UBXN7: variants seen among roughly 807,000 people sequenced by gnomAD.
UBXN7 encodes the protein UBX domain-containing protein 7.
A neutral mutation model predicts 58.0 loss-of-function variants in UBXN7; 9 were observed. That is an observed-to-expected ratio of 0.16 (90% CI 0.09 to 0.27). The LOEUF is 0.27. Ranked by LOEUF, UBXN7 falls within the 10% of genes least tolerant of loss-of-function variation. The pLI is 1.00. For synonymous variants in UBXN7, 208 were observed against 205.0 expected, an observed-to-expected ratio of 1.01 and a Z score of -0.12; for missense variants, 328 against 599.6, an observed-to-expected ratio of 0.55 and a Z score of 4.73.
In UBXN7 at chr3:196,354,232, G is replaced by C. The variant is rs919391539; in HGVS notation, c.*2453C>G. ...TTAAGCTGAGTGAAAGTACCATGCT[G>C]TCTTTTAAATCACTTTATATCTACT... On this transcript the variant is annotated 3_prime_UTR_variant, in exon 11 of 11. Coordinates refer to ENST00000296328, the MANE Select transcript of UBXN7 (RefSeq NM_015562.2). The C allele has an allele frequency of 3.9e-4, 60 of 152,178 alleles. No homozygotes were observed. Among genetic ancestry groups the C allele is most frequent in the African/African-American group, 1.2e-3 (50 of 41,446 alleles). 9.4% of individuals were successfully genotyped at this position (152,178 alleles called of 1,614,324 possible).
intron 8 of UBXN7, among the ~76,000 whole-genome samples, chr3:196,367,355 T>C (rs192659439): frequency 6.6e-6 from 1 of 152,336 alleles, no homozygotes; most frequent in East Asian, 1.9e-4. Context: ...AGTAATAGTA[T>C]ATTCTAGAAA....
chr3:196,370,099 C>T (rs1202628024), intron 6 of UBXN7, among the ~76,000 whole-genome samples: 4 of 147,348 alleles, frequency 2.7e-5, no homozygotes, highest in Non-Finnish European at 5.9e-5. Context: ...CACTGCACTC[C>T]TGCCCAGCGA....
chr3:196,405,326 C>T (rs1372936117), intron 2 of UBXN7, among the ~76,000 whole-genome samples: 1 of 151,326 alleles, frequency 6.6e-6, no homozygotes, highest in African/African-American at 2.4e-5. Context: ...GAAAATTAGC[C>T]GGGCGTGGTG....
intron 8 of UBXN7, among the ~76,000 whole-genome samples, chr3:196,365,148 T>C (rs534839365): frequency 2.7e-5 from 4 of 150,732 alleles, no homozygotes; most frequent in African/African-American, 9.7e-5. Flanking sequence ...AGCTAGAAAA[T>C]AGTATTGAGC....
At position 196,374,754 on chromosome 3, in the gene UBXN7, C is replaced by CCTA. The variant is rs539257627; in HGVS notation, c.469-2713_469-2712insTAG. On this transcript the variant is annotated intron_variant, in intron 5 of 10. Coordinates refer to ENST00000296328, the MANE Select transcript of UBXN7 (RefSeq NM_015562.2). Reference sequence around the variant, plus strand: ...AATTAGCCAGGCATGGTGGTGGGCACCTGTAATCCCAGCTACTCAGGAGAC... The same window carrying CCTA: ...AATTAGCCAGGCATGGTGGTGGGCACCTACTGTAATCCCAGCTACTCAGGAGAC... Among the ~76,000 whole-genome samples, 586 of 148,188 alleles carry CCTA rather than the reference C, an allele frequency of 4.0e-3. 6 individuals carry two copies. Among genetic ancestry groups the CCTA allele is most frequent in the African/African-American group, 0.014 (564 of 39,840 alleles).
intron 3 of UBXN7, among the ~76,000 whole-genome samples, chr3:196,398,290 A>G (rs935211010): frequency 2.6e-5 from 4 of 152,174 alleles, no homozygotes; most frequent in African/African-American, 9.7e-5. Context: ...TGCTGACCCA[A>G]AGAAACTGAG....
intron 1 of UBXN7, among the ~76,000 whole-genome samples, chr3:196,421,370 A>G (rs1318901389): frequency 6.6e-6 from 1 of 152,232 alleles, no homozygotes; most frequent in African/African-American, 2.4e-5. Flanking sequence ...GTCTGTGACA[A>G]GATAAAAATA....
Position 196,356,662 on chromosome 3 carries a change from C to G in UBXN7, c.*23G>C, listed in dbSNP as rs1374042876. On this transcript the variant is annotated 3_prime_UTR_variant, in exon 11 of 11. Transcript: ENST00000296328. ...CAGGAAAAGGGAAAAAAGGGGTAAGCTGAGAGAGGTCAAGCCATGGTGTTA... is the reference window on the plus strand; with the variant it reads ...CAGGAAAAGGGAAAAAAGGGGTAAGGTGAGAGAGGTCAAGCCATGGTGTTA... 3.8e-6 allele frequency: 6 copies of G among 1,577,822 alleles called. No homozygotes were observed. The highest frequency in any genetic ancestry group is 1.7e-4 in the Middle Eastern group (1 of 5,932).
chr3:196,367,731 C>T (rs978485055), intron 8 of UBXN7, among the ~76,000 whole-genome samples: 3 of 152,194 alleles, frequency 2.0e-5, no homozygotes, highest in Non-Finnish European at 4.4e-5. Flanking sequence ...CCAGGTCAGT[C>T]CTCCTGCCCA....
chr3:196,371,864 C>A (rs1252850886), intron 6 of UBXN7, 32 bp downstream of exon 6: 1 of 1,596,772 alleles, frequency 6.3e-7, no homozygotes, highest in African/African-American at 1.3e-5. Context: ...AAGTAAAATT[C>A]TACAAAACTT....
At chr3:196,402,898 T>A in intron 3 of UBXN7, 54 bp downstream of exon 3, 1 of 1,561,956 alleles carries the variant, frequency 6.4e-7, no homozygotes, top group Non-Finnish European at 8.6e-7. Context: ...GATGGTTTCA[T>A]TAAAATCCTA....
In UBXN7 at chr3:196,419,951, A is replaced by G. The variant is rs147440281; in HGVS notation, c.73+12376T>C. Among the ~76,000 whole-genome samples the G allele has an allele frequency of 3.5e-4, 53 of 152,320 alleles. No homozygotes were observed. In the East Asian group the frequency reaches 8.3e-3, roughly 24 times the overall value. ...ATAACACTACCACTGAGCTACACAG[A>G]GGAATATGAAGAAGTGAAGGTTAAC... On this transcript the variant is annotated intron_variant, in intron 1 of 10. Coordinates refer to ENST00000296328, the MANE Select transcript of UBXN7 (RefSeq NM_015562.2).
At chr3:196,424,830 G>C (rs1730798346) in intron 1 of UBXN7, among the ~76,000 whole-genome samples, 1 of 150,822 alleles carries the variant, frequency 6.6e-6, no homozygotes, top group Non-Finnish European at 1.5e-5. Context: ...AGCCTCCTGA[G>C]TAGCTGGGAT....
intron 3 of UBXN7, among the ~76,000 whole-genome samples, chr3:196,395,229 G>A (rs966211405): frequency 6.6e-6 from 1 of 152,054 alleles, no homozygotes; most frequent in Non-Finnish European, 1.5e-5. Context: ...CCAATAACTC[G>A]TGTTTGTGAT....
chr3:196,423,986 T>C (rs1212937915), intron 1 of UBXN7, among the ~76,000 whole-genome samples: 2 of 150,656 alleles, frequency 1.3e-5, no homozygotes, highest in Non-Finnish European at 2.9e-5. Context: ...GACTCCCGGG[T>C]TCCAGCGATT....
chr3:196,382,584 T>C (rs1435875371), intron 5 of UBXN7, among the ~76,000 whole-genome samples: 2 of 152,208 alleles, frequency 1.3e-5, no homozygotes, highest in African/African-American at 2.4e-5. Flanking sequence ...CATCAACTAA[T>C]GGGCAAAATA....
intron 2 of UBXN7, among the ~76,000 whole-genome samples, chr3:196,404,270 T>G (rs1730088151): frequency 6.7e-6 from 1 of 149,784 alleles, no homozygotes; most frequent in African/African-American, 2.5e-5. Flanking sequence ...GGTTTTTTTT[T>G]TTTTTTTTTT....
chr3:196,393,209 C>T (rs569422349), intron 4 of UBXN7, among the ~76,000 whole-genome samples: 1 of 152,264 alleles, frequency 6.6e-6, no homozygotes, highest in East Asian at 1.9e-4. Flanking sequence ...CTTATAATAA[C>T]CATTTTCATT....
intron 3 of UBXN7, among the ~76,000 whole-genome samples, chr3:196,396,581 T>C (rs1729781082): frequency 6.6e-6 from 1 of 151,812 alleles, no homozygotes. Flanking sequence ...GCTAACACGG[T>C]GAAACCCCAT....
Sources: allele counts gnomAD v4.1 joint callset (sites outside exome capture counted in the v4.1 genomes callset), GRCh38; gene constraint gnomAD v4.1.1; transcripts MANE v1.5; gene names NCBI Gene and HGNC (gene_info 2026-07-23, HGNC 2026-07-21).